PANX1: variants seen among roughly 807,000 people sequenced by gnomAD.
The protein encoded by PANX1 is pannexin-1.
A neutral mutation model predicts 38.7 loss-of-function variants in PANX1; 30 were observed. That is an observed-to-expected ratio of 0.78 (90% CI 0.58 to 1.05). PANX1 has a LOEUF of 1.05. Among genes scored for constraint, PANX1 ranks in the 50% least tolerant of loss-of-function variants. The probability of loss-of-function intolerance (pLI) is 0.00; values close to 1 mark genes in which losing one functional copy is unlikely to be tolerated. For missense variants in PANX1, 551 were observed against 517.2 expected (o/e 1.07, Z -0.63); for synonymous variants, 230 against 212.2 (o/e 1.08, Z -0.73).
At position 94,159,982 on chromosome 11, in the gene PANX1, T is replaced by C. The variant is rs1006021207; in HGVS notation, c.321+6352T>C. ...CTTTATTTCTGTCTTCATTTCGTTATGTACCCAGTAGTCATTCAGGAGCAG... is the reference window on the plus strand; with the variant it reads ...CTTTATTTCTGTCTTCATTTCGTTACGTACCCAGTAGTCATTCAGGAGCAG... On this transcript the variant is annotated intron_variant, in intron 2 of 4. Transcript: ENST00000227638. Among the ~76,000 whole-genome samples the C allele has an allele frequency of 5.3e-5, 8 of 152,148 alleles. No homozygotes were observed. In the East Asian group the frequency reaches 5.8e-4, roughly 11 times the overall value.
intron 2 of PANX1, among the ~76,000 whole-genome samples, chr11:94,169,726 G>T (rs1947142556): frequency 6.6e-6 from 1 of 151,690 alleles, no homozygotes; most frequent in Non-Finnish European, 1.5e-5. Flanking sequence ...GCCAAGGAAT[G>T]CTGGGGCGAC....
chr11:94,168,015 G>A (rs1219747613), intron 2 of PANX1, among the ~76,000 whole-genome samples: 1 of 152,236 alleles, frequency 6.6e-6, no homozygotes, highest in Non-Finnish European at 1.5e-5. Flanking sequence ...CAGCAGGAAT[G>A]ATTTTAGTGG....
intron 1 of PANX1, among the ~76,000 whole-genome samples, chr11:94,147,908 A>G (rs374286787): frequency 6.6e-6 from 1 of 152,182 alleles, no homozygotes; most frequent in East Asian, 1.9e-4. Flanking sequence ...TGGGGAGGGA[A>G]GCATCTGGGG....
At position 94,178,713 on chromosome 11, in the gene PANX1, G is replaced by T. The variant is rs1947266140; in HGVS notation, c.545+121G>T. On this transcript the variant is annotated intron_variant, in intron 3 of 4. Transcript: ENST00000227638. ...GGCGGGGCAGGAGTGGAAGCAGGGG[G>T]ACGTCATGCACCTAGTGACAGCCTG... The T allele has an allele frequency of 5.6e-6, 4 of 716,956 alleles. No individual in the cohort carries two copies. The Admixed American group carries it at 8.8e-5, about 16-fold the overall frequency. 44.4% of individuals were successfully genotyped at this position (716,956 alleles called of 1,614,324 possible). A position where few individuals can be genotyped will look rare whatever the true frequency, so the allele number is the denominator to read the frequency against.
At chr11:94,178,208 G>T (rs1293472106) in intron 2 of PANX1, among the ~76,000 whole-genome samples, 161 bp from the exon 3 acceptor site, 1 of 152,130 alleles carries the variant, frequency 6.6e-6, no homozygotes, top group Non-Finnish European at 1.5e-5. Flanking sequence ...GTATTACCTG[G>T]ACAGGGGAAT....
intron 1 of PANX1, among the ~76,000 whole-genome samples, chr11:94,141,593 G>A (rs1946762404): frequency 6.6e-6 from 1 of 152,008 alleles, no homozygotes; most frequent in African/African-American, 2.4e-5. Flanking sequence ...ATTTTTTTAA[G>A]CTAAAATGTT....
Position 94,181,663 on chromosome 11 carries a change from C to T in PANX1, c.*794C>T, listed in dbSNP as rs1947307389. Reference sequence around the variant, plus strand: ...CAGTCACTTTCAAAGAGTTTGTCTACAGGCGGTTTCTCTGTTATCAAAGGC... The same window carrying T: ...CAGTCACTTTCAAAGAGTTTGTCTATAGGCGGTTTCTCTGTTATCAAAGGC... On this transcript the variant is annotated 3_prime_UTR_variant, in exon 5 of 5. Transcript: ENST00000227638. 1 of 152,218 alleles carries T rather than the reference C, an allele frequency of 6.6e-6. No homozygotes were observed. 9.4% of individuals were successfully genotyped at this position (152,218 alleles called of 1,614,324 possible). A position where few individuals can be genotyped will look rare whatever the true frequency, so the allele number is the denominator to read the frequency against.
intron 2 of PANX1, among the ~76,000 whole-genome samples, chr11:94,169,703 G>GTTA: frequency 6.6e-6 from 1 of 151,754 alleles, no homozygotes; most frequent in South Asian, 2.1e-4. Flanking sequence ...CTGGATTGGA[G>GTTA]TTATGCAGCC....
At chr11:94,137,742 A>C (rs1345233605) in intron 1 of PANX1, among the ~76,000 whole-genome samples, 1 of 150,468 alleles carries the variant, frequency 6.6e-6, no homozygotes, top group African/African-American at 2.4e-5. Context: ...CTCCTTTTTA[A>C]AATATAAATA....
At chr11:94,170,562 A>G (rs528330009) in intron 2 of PANX1, among the ~76,000 whole-genome samples, 1 of 151,880 alleles carries the variant, frequency 6.6e-6, no homozygotes, top group African/African-American at 2.4e-5. Flanking sequence ...CATACCCCAA[A>G]GTGGAATTGC....
At chr11:94,164,360 AC>A (rs1947079916) in intron 2 of PANX1, among the ~76,000 whole-genome samples, 1 of 152,124 alleles carries the variant, frequency 6.6e-6, no homozygotes, top group Non-Finnish European at 1.5e-5. Flanking sequence ...CCCTGTTAGT[AC>A]TGCTTTTGCT....
At position 94,129,118 on chromosome 11, in the gene PANX1, A is replaced by G; in HGVS notation, c.-195A>G. 2.3e-6 allele frequency: 1 copy of G among 441,032 alleles called. No homozygotes were observed. The highest frequency in any genetic ancestry group is 4.0e-6 in the Non-Finnish European group (1 of 251,756). 27.3% of individuals were successfully genotyped at this position (441,032 alleles called of 1,614,324 possible). ...CCCCGCCCCGCCCCGCCGGCGGCGG[A>G]GGCAGCGAGCGCGAGAGCCCAGCGG... On this transcript the variant is annotated 5_prime_UTR_variant, in exon 1 of 5. Transcript: ENST00000227638.
intron 1 of PANX1, among the ~76,000 whole-genome samples, chr11:94,136,405 C>T (rs549383145): frequency 6.6e-6 from 1 of 152,210 alleles, no homozygotes; most frequent in Non-Finnish European, 1.5e-5. Flanking sequence ...TTTACCATAA[C>T]TTGAAGTTAG....
At chr11:94,151,078 G>C (rs1463720161) in intron 1 of PANX1, among the ~76,000 whole-genome samples, 1 of 152,210 alleles carries the variant, frequency 6.6e-6, no homozygotes, top group Non-Finnish European at 1.5e-5. Context: ...ATAATGATGT[G>C]TCTCTCCATT....
chr11:94,178,530 T>G lies in PANX1; in HGVS notation c.483T>G (p.Arg161=). 11 of 1,614,102 alleles carry G rather than the reference T, an allele frequency of 6.8e-6. No homozygotes were observed. The highest frequency in any genetic ancestry group is 9.3e-6 in the Non-Finnish European group (11 of 1,179,994). The stretch of plus-strand genomic sequence containing the variant: ...CAATTAAGGCTGCAAAGAGTGCGCG[T>G]GACCTTGACATGAGAGATGGAGCCT... The part of the protein sequence containing the change: ...NRAIKAAKSA[R]DLDMRDGACS... Residue 161 remains arginine, a synonymous_variant, in exon 3 of 5, where the codon CGT becomes CGG. Transcript: ENST00000227638.
chr11:94,139,889 A>G (rs1946741618), intron 1 of PANX1, among the ~76,000 whole-genome samples: 1 of 152,102 alleles, frequency 6.6e-6, no homozygotes, highest in African/African-American at 2.4e-5. Flanking sequence ...TTTTTCGTAA[A>G]TTGCCAATAG....
At position 94,153,594 on chromosome 11, in the gene PANX1, G is replaced by C. The variant is rs780748757; in HGVS notation, c.285G>C (p.Gln95His). The C allele has an allele frequency of 6.2e-6, 10 of 1,613,828 alleles. No individual in the cohort carries two copies. In the East Asian group the frequency reaches 2.0e-4, roughly 32 times the overall value. The change falls in exon 2 of 5, where the codon CAG (glutamine) becomes CAC (histidine). Residue 95 changes from glutamine (Q) to histidine (H), a missense_variant. Physicochemically the swap from Gln to His is conservative, Grantham distance 24 (BLOSUM62 0). Transcript: ENST00000227638. ...CTGTTCAGCAGAAGAACTCACTGCA[G>C]AGCGAGTCTGGAAACCTCCCACTGT... ...WAAVQQKNSL[Q>H]SESGNLPLWL...
At position 94,136,725 on chromosome 11, in the gene PANX1, G is replaced by A. The variant is rs200419200; in HGVS notation, c.181+7232G>A. ...GGAGCTTGCAGTGAGCCGAGATCGC[G>A]CCACTGCACTCCAGCCTGGGCGACA... On this transcript the variant is annotated intron_variant, in intron 1 of 4. Transcript: ENST00000227638. 1.4e-4 allele frequency among the ~76,000 whole-genome samples: 21 copies of A among 151,470 alleles called. No homozygotes were observed. The East Asian group carries it at 2.2e-3, about 16-fold the overall frequency.
intron 1 of PANX1, among the ~76,000 whole-genome samples, chr11:94,134,659 C>A (rs1294253040): frequency 1.4e-5 from 2 of 145,330 alleles, no homozygotes; most frequent in African/African-American, 5.1e-5. Flanking sequence ...TCCTCTCCCC[C>A]CTCCCTCTTC....
Sources: gnomAD v4.1 joint callset for allele counts (sites outside exome capture counted in the v4.1 genomes callset) on GRCh38, gnomAD v4.1.1 for gene constraint, MANE v1.5 for transcripts, NCBI Gene and HGNC (gene_info 2026-07-23, HGNC 2026-07-21) for gene names.